LRMDA: variants seen among roughly 807,000 people sequenced by gnomAD.
LRMDA encodes leucine-rich melanocyte differentiation-associated protein.
In LRMDA, 18 loss-of-function variants were observed where a neutral mutation model predicts 29.8. The observed-to-expected ratio is 0.60, with a 90% CI of 0.42 to 0.90. LRMDA has a LOEUF of 0.90. Ranked by LOEUF, LRMDA falls within the 40% of genes least tolerant of loss-of-function variation. The pLI, the probability that LRMDA is intolerant of heterozygous loss-of-function variation, is 0.00. For missense variants in LRMDA, 273 were observed against 273.9 expected, an observed-to-expected ratio of 1.00 and a Z score of 0.02; for synonymous variants, 125 against 109.4, an observed-to-expected ratio of 1.14 and a Z score of -0.89.
intron 5 of LRMDA, among the ~76,000 whole-genome samples, chr10:76,163,525 A>G (rs538004910): frequency 1.4e-4 from 21 of 152,242 alleles, no homozygotes; most frequent in African/African-American, 5.1e-4. Context: ...GAAGAAAATG[A>G]TGCTATACAT....
intron 6 of LRMDA, among the ~76,000 whole-genome samples, chr10:76,466,783 C>A (rs1043533148): frequency 6.6e-6 from 1 of 152,054 alleles, no homozygotes; most frequent in Non-Finnish European, 1.5e-5. Flanking sequence ...CAGAGTGAAA[C>A]CCTGTCTCAA....
chr10:76,090,019 A>T (rs1849204717), intron 5 of LRMDA, among the ~76,000 whole-genome samples: 1 of 152,218 alleles, frequency 6.6e-6, no homozygotes, highest in African/African-American at 2.4e-5. Flanking sequence ...CGATTGACAC[A>T]GCTTTTCAAT....
intron 6 of LRMDA, among the ~76,000 whole-genome samples, chr10:76,521,920 A>G (rs190447628): frequency 6.6e-4 from 100 of 152,254 alleles, no homozygotes; most frequent in Non-Finnish European, 1.3e-3. Context: ...TATCTCCCCA[A>G]AAGTGTGGCA....
chr10:75,840,387 A>G (rs1325942320), intron 2 of LRMDA, among the ~76,000 whole-genome samples: 1 of 152,192 alleles, frequency 6.6e-6, no homozygotes, highest in Non-Finnish European at 1.5e-5. Flanking sequence ...AAAGCATCCT[A>G]CAATTATTAT....
At chr10:75,623,404 T>G (rs1184379350) in intron 2 of LRMDA, among the ~76,000 whole-genome samples, 1 of 152,184 alleles carries the variant, frequency 6.6e-6, no homozygotes, top group African/African-American at 2.4e-5. Context: ...TATTTTCATT[T>G]CCATTAAAGC....
intron 6 of LRMDA, among the ~76,000 whole-genome samples, chr10:76,347,627 C>A (rs572866809): frequency 1.3e-5 from 2 of 152,234 alleles, no homozygotes; most frequent in African/African-American, 4.8e-5. Context: ...CTAAAAATCA[C>A]CGAGTGCAGC....
At chr10:75,827,714 T>C (rs1432006377) in intron 2 of LRMDA, among the ~76,000 whole-genome samples, 1 of 152,250 alleles carries the variant, frequency 6.6e-6, no homozygotes, top group Non-Finnish European at 1.5e-5. Context: ...TTTTCAATAA[T>C]TCCTCGCATA....
At chr10:76,099,713 T>C (rs1849367598) in intron 5 of LRMDA, among the ~76,000 whole-genome samples, 1 of 152,204 alleles carries the variant, frequency 6.6e-6, no homozygotes, top group African/African-American at 2.4e-5. Flanking sequence ...TTTGTATTCA[T>C]TACTAGTTTA....
At chr10:76,277,571 A>G (rs1289186301) in intron 5 of LRMDA, among the ~76,000 whole-genome samples, 2 of 151,866 alleles carry the variant, frequency 1.3e-5, no homozygotes, top group African/African-American at 4.8e-5. Context: ...TGTCTTTTGC[A>G]TGATGTGCTT....
At chr10:75,915,947 G>A (rs547195953) in intron 2 of LRMDA, among the ~76,000 whole-genome samples, 2 of 152,314 alleles carry the variant, frequency 1.3e-5, no homozygotes, top group African/African-American at 4.8e-5. Context: ...CACCTTAGAA[G>A]AGACAATGAC....
At chr10:75,818,356 A>C (rs1392033612) in intron 2 of LRMDA, among the ~76,000 whole-genome samples, 1 of 152,188 alleles carries the variant, frequency 6.6e-6, no homozygotes, top group African/African-American at 2.4e-5. Flanking sequence ...TCATATGTCA[A>C]GTATCTGTTA....
At chr10:76,067,639 T>C (rs10824358) in intron 5 of LRMDA, among the ~76,000 whole-genome samples, 56,511 of 151,994 alleles carry the variant, frequency 0.37, 11,823 homozygotes, top group Non-Finnish European at 0.46. Context: ...GACAAATCCT[T>C]CCCATGCTTT....
intron 5 of LRMDA, among the ~76,000 whole-genome samples, chr10:76,308,119 C>T (rs1439200767): frequency 6.6e-6 from 1 of 152,118 alleles, no homozygotes; most frequent in Non-Finnish European, 1.5e-5. Context: ...CCTACTTGCC[C>T]TCTCCCCAAA....
At chr10:76,035,882 G>A in intron 2 of LRMDA, 126 bp from the exon 3 acceptor site, 1 of 502,686 alleles carries the variant, frequency 2.0e-6, no homozygotes. Flanking sequence ...CATTCACTTT[G>A]CTGACAGGCA....
chr10:76,444,453 G>A (rs1338680759), intron 6 of LRMDA, among the ~76,000 whole-genome samples: 2 of 152,158 alleles, frequency 1.3e-5, no homozygotes, highest in Non-Finnish European at 2.9e-5. Context: ...ATTCTTAAGA[G>A]GCAAGAGAAT....
intron 2 of LRMDA, among the ~76,000 whole-genome samples, chr10:75,854,165 C>G (rs1388768109): frequency 6.6e-6 from 1 of 152,020 alleles, no homozygotes; most frequent in Non-Finnish European, 1.5e-5. Context: ...ATGAGTGGCT[C>G]TAGTATTTTT....
At chr10:76,149,354 G>A (rs751691385) in intron 5 of LRMDA, among the ~76,000 whole-genome samples, 3 of 152,222 alleles carry the variant, frequency 2.0e-5, no homozygotes, top group Non-Finnish European at 2.9e-5. Context: ...AGGAGAGTCA[G>A]TGCCTGGTCC....
chr10:75,826,309 A>G (rs1844246042), intron 2 of LRMDA, among the ~76,000 whole-genome samples: 1 of 152,200 alleles, frequency 6.6e-6, no homozygotes, highest in Non-Finnish European at 1.5e-5. Context: ...GACTGGTGCT[A>G]AGAATGCAAG....
intron 2 of LRMDA, among the ~76,000 whole-genome samples, chr10:75,956,140 T>A (rs1324380672): frequency 6.6e-6 from 1 of 152,192 alleles, no homozygotes; most frequent in Non-Finnish European, 1.5e-5. Context: ...CTAGAGGATA[T>A]GCTTCCAAAA....
Sources: allele counts gnomAD v4.1 joint callset (sites outside exome capture counted in the v4.1 genomes callset), GRCh38; gene constraint gnomAD v4.1.1; transcripts MANE v1.5; gene names NCBI Gene and HGNC (gene_info 2026-07-23, HGNC 2026-07-21).